The following KMT2C variants were observed in gnomAD, a reference collection of about 807,000 sequenced individuals.
The protein encoded by KMT2C is lysine methyltransferase 2C.
Under a neutral mutation model 507.9 loss-of-function variants are expected in KMT2C, and 88 were observed. That is an observed-to-expected ratio of 0.17 (90% CI 0.15 to 0.21). The LOEUF (loss-of-function observed/expected upper bound fraction) is 0.21, where lower values mean the gene tolerates loss of function less well. Among genes scored for constraint, KMT2C ranks in the 10% least tolerant of loss-of-function variants. The pLI, the probability that KMT2C is intolerant of heterozygous loss-of-function variation, is 1.00. For missense variants in KMT2C, 4,954 were observed against 5,957.8 expected, an observed-to-expected ratio of 0.83 and a Z score of 5.55; for synonymous variants, 2,049 against 2,080.8, an observed-to-expected ratio of 0.98 and a Z score of 0.42.
intron 9 of KMT2C, among the ~76,000 whole-genome samples, chr7:152,253,140 C>G (rs1340893159): frequency 6.6e-6 from 1 of 152,086 alleles, no homozygotes; most frequent in Non-Finnish European, 1.5e-5. Flanking sequence ...CAGGTGTGAG[C>G]CACTGCGCCT....
At chr7:152,384,655 T>C (rs2097407351) in intron 1 of KMT2C, among the ~76,000 whole-genome samples, 2 of 150,008 alleles carry the variant, frequency 1.3e-5, no homozygotes, top group Non-Finnish European at 3.0e-5. Context: ...CCTTTAGAGA[T>C]CTTGTCTTTG....
intron 1 of KMT2C, chr7:152,368,146 CAG>C (rs2097262376): frequency 1.1e-6 from 1 of 925,662 alleles, no homozygotes; most frequent in African/African-American, 1.6e-5. Flanking sequence ...CAAAGGAAGG[CAG>C]TATCCTTGGG....
chr7:152,239,969 A>G (rs1395258811), intron 14 of KMT2C, among the ~76,000 whole-genome samples: 1 of 152,276 alleles, frequency 6.6e-6, no homozygotes, highest in Non-Finnish European at 1.5e-5. Context: ...ATGGAATAAC[A>G]GTATTTTGAG....
intron 7 of KMT2C, among the ~76,000 whole-genome samples, chr7:152,272,687 G>T (rs1479710172): frequency 1.3e-5 from 2 of 152,000 alleles, no homozygotes; most frequent in Non-Finnish European, 2.9e-5. Flanking sequence ...CCTATAATTT[G>T]TACACTAGGT....
At chr7:152,393,572 G>A (rs887655049) in intron 1 of KMT2C, among the ~76,000 whole-genome samples, 18 of 152,096 alleles carry the variant, frequency 1.2e-4, no homozygotes, top group African/African-American at 4.3e-4. Context: ...ACCCTCACTT[G>A]TATCTAGGAC....
intron 1 of KMT2C, among the ~76,000 whole-genome samples, chr7:152,406,651 G>T (rs1173765508): frequency 3.0e-3 from 390 of 132,046 alleles, no homozygotes; most frequent in Middle Eastern, 4.2e-3. Context: ...CCAAATAACT[G>T]GGACTATAGG....
chr7:152,393,629 G>A (rs2097517556), intron 1 of KMT2C, among the ~76,000 whole-genome samples: 1 of 152,266 alleles, frequency 6.6e-6, no homozygotes, highest in Admixed American at 6.5e-5. Context: ...AAAAAAATCT[G>A]TTGGCCGAGC....
At chr7:152,139,323 C>A (rs2090251789) in intron 56 of KMT2C, 64 bp from the exon 57 acceptor site, 1 of 1,462,604 alleles carries the variant, frequency 6.8e-7, no homozygotes, top group Non-Finnish European at 9.5e-7. Flanking sequence ...GTGTTCCTAT[C>A]CACACCAGGA....
At chr7:152,348,153 T>C (rs1003067353) in intron 2 of KMT2C, among the ~76,000 whole-genome samples, 5 of 152,198 alleles carry the variant, frequency 3.3e-5, no homozygotes, top group African/African-American at 1.2e-4. Flanking sequence ...GAAGAAATAA[T>C]CTGAATACGT....
At chr7:152,327,617 A>G (rs2096840777) in intron 3 of KMT2C, among the ~76,000 whole-genome samples, 1 of 152,200 alleles carries the variant, frequency 6.6e-6, no homozygotes, top group Non-Finnish European at 1.5e-5. Context: ...ACAAAAATTT[A>G]AGCAGAACTT....
intron 23 of KMT2C, among the ~76,000 whole-genome samples, chr7:152,208,587 T>G (rs1308303796): frequency 6.6e-6 from 1 of 152,204 alleles, no homozygotes; most frequent in Non-Finnish European, 1.5e-5. Context: ...ATGGAATGCT[T>G]AGAGAATGCT....
intron 43 of KMT2C, 94 bp from the exon 44 acceptor site, chr7:152,159,166 A>G (rs1022528995): frequency 7.2e-5 from 74 of 1,026,810 alleles, no homozygotes; most frequent in Non-Finnish European, 1.1e-4. Context: ...TCATCCTAAC[A>G]TGGCACTAAA....
At chr7:152,182,709 C>T (rs998368180) in intron 35 of KMT2C, 115 bp from the exon 36 acceptor site, 45 of 944,690 alleles carry the variant, frequency 4.8e-5, no homozygotes, top group Non-Finnish European at 4.1e-5. Flanking sequence ...TACCAGATTG[C>T]TCCCATATTA....
At chr7:152,414,496 C>A (rs1462720543) in intron 1 of KMT2C, among the ~76,000 whole-genome samples, 1 of 152,106 alleles carries the variant, frequency 6.6e-6, no homozygotes, top group Non-Finnish European at 1.5e-5. Context: ...CCATCACACT[C>A]CAGCCTGGGC....
intron 24 of KMT2C, among the ~76,000 whole-genome samples, chr7:152,205,879 A>T (rs2094294996): frequency 6.6e-6 from 1 of 152,182 alleles, no homozygotes; most frequent in Admixed American, 6.5e-5. Context: ...CTGGTACATT[A>T]GCTGGAGGAT....
chr7:152,250,693 A>T (rs933358600), intron 12 of KMT2C, among the ~76,000 whole-genome samples, 160 bp downstream of exon 12: 2 of 152,190 alleles, frequency 1.3e-5, no homozygotes, highest in African/African-American at 4.8e-5. Context: ...AAATACACGC[A>T]TGTCCTTTCT....
chr7:152,426,539 A>G (rs980210738), intron 1 of KMT2C, among the ~76,000 whole-genome samples: 1 of 152,056 alleles, frequency 6.6e-6, no homozygotes, highest in Non-Finnish European at 1.5e-5. Flanking sequence ...ACCCAGCCTT[A>G]TATCATGGCA....
intron 6 of KMT2C, among the ~76,000 whole-genome samples, chr7:152,286,805 A>G (rs973295208): frequency 6.6e-6 from 1 of 152,122 alleles, no homozygotes; most frequent in Admixed American, 6.6e-5. Flanking sequence ...TATATACAAG[A>G]AAAGTTGCTA....
intron 23 of KMT2C, among the ~76,000 whole-genome samples, chr7:152,210,424 A>G (rs1046785848): frequency 6.6e-6 from 1 of 152,198 alleles, no homozygotes. Context: ...ATGTACCATA[A>G]AGATTATCCG....
Sources: allele counts gnomAD v4.1 joint callset (sites outside exome capture counted in the v4.1 genomes callset), GRCh38; gene constraint gnomAD v4.1.1; transcripts MANE v1.5; gene names NCBI Gene and HGNC (gene_info 2026-07-23, HGNC 2026-07-21).